GALNT13: variants seen among roughly 807,000 people sequenced by gnomAD.
GALNT13 encodes the protein polypeptide N-acetylgalactosaminyltransferase 13, also known as UDP-GalNAc:polypeptide N-acetylgalactosaminyltransferase 13.
A neutral mutation model predicts 64.2 loss-of-function variants in GALNT13; 28 were observed. That is an observed-to-expected ratio of 0.44 (90% CI 0.32 to 0.60). The LOEUF is 0.60. Among genes scored for constraint, GALNT13 ranks in the 20% least tolerant of loss-of-function variants. GALNT13 has a pLI of 0.05. For synonymous variants in GALNT13, 214 were observed against 224.6 expected (o/e 0.95, Z 0.42); for missense variants, 577 against 669.8 (o/e 0.86, Z 1.53).
intron 2 of GALNT13, among the ~76,000 whole-genome samples, chr2:153,921,470 G>T (rs745476375): frequency 2.0e-5 from 3 of 152,110 alleles, no homozygotes; most frequent in Non-Finnish European, 2.9e-5. Context: ...CTTGAGGGTG[G>T]AGTCTTGGAG....
the GALNT13 span, among the ~76,000 whole-genome samples, chr2:153,403,290 G>C: frequency 4.1e-4 from 62 of 151,818 alleles, no homozygotes; most frequent in African/African-American, 1.5e-3. Flanking sequence ...CCCGTTCTCA[G>C]ATCTCCAGCT....
At chr2:154,144,589 A>G (rs554054645) in intron 4 of GALNT13, among the ~76,000 whole-genome samples, 1 of 152,140 alleles carries the variant, frequency 6.6e-6, no homozygotes, top group African/African-American at 2.4e-5. Context: ...TCAAATATCT[A>G]ATCATATTTT....
chr2:153,115,091 T>C, the GALNT13 span, among the ~76,000 whole-genome samples: 1 of 151,306 alleles, frequency 6.6e-6, no homozygotes, highest in African/African-American at 2.5e-5. Flanking sequence ...TAATGAGTAC[T>C]AAAAAATAAA....
chr2:153,398,255 T>G, the GALNT13 span, among the ~76,000 whole-genome samples: 1 of 152,186 alleles, frequency 6.6e-6, no homozygotes, highest in Non-Finnish European at 1.5e-5. Context: ...CATAAACTCA[T>G]CATTTTTTGT....
At chr2:153,770,008 T>C in the GALNT13 span, among the ~76,000 whole-genome samples, 1 of 152,214 alleles carries the variant, frequency 6.6e-6, no homozygotes, top group Admixed American at 6.5e-5. Context: ...CAGCTTTCTC[T>C]TTAATCTCAT....
At chr2:153,211,605 T>C in the GALNT13 span, among the ~76,000 whole-genome samples, 1 of 152,206 alleles carries the variant, frequency 6.6e-6, no homozygotes, top group South Asian at 2.1e-4. Context: ...AACTTTCCAC[T>C]GCACTCTTGC....
the GALNT13 span, among the ~76,000 whole-genome samples, chr2:153,451,577 A>C: frequency 6.6e-6 from 1 of 152,234 alleles, no homozygotes; most frequent in Non-Finnish European, 1.5e-5. Context: ...TAGAAAGAGA[A>C]AGTGAGAGTT....
At chr2:153,969,720 T>C (rs1693616238) in intron 3 of GALNT13, among the ~76,000 whole-genome samples, 1 of 152,182 alleles carries the variant, frequency 6.6e-6, no homozygotes, top group African/African-American at 2.4e-5. Flanking sequence ...ATGATAAAAG[T>C]TTAAAAATCT....
intron 3 of GALNT13, among the ~76,000 whole-genome samples, chr2:154,118,800 T>G (rs567641091): frequency 6.6e-6 from 1 of 152,116 alleles, no homozygotes. Flanking sequence ...TTCAGTCTGA[T>G]AAGAACTTAA....
At chr2:153,909,824 G>A (rs1168670202) in intron 2 of GALNT13, among the ~76,000 whole-genome samples, 1 of 152,012 alleles carries the variant, frequency 6.6e-6, no homozygotes, top group Non-Finnish European at 1.5e-5. Context: ...TGCTGGATTT[G>A]GTTTGCTGGT....
intron 3 of GALNT13, among the ~76,000 whole-genome samples, chr2:153,983,136 A>G (rs1694581303): frequency 6.6e-6 from 1 of 151,906 alleles, no homozygotes; most frequent in South Asian, 2.1e-4. Context: ...GTGAAATTTG[A>G]TGTGAACAGC....
intron 9 of GALNT13, among the ~76,000 whole-genome samples, chr2:154,350,530 G>A (rs62172294): frequency 6.6e-6 from 1 of 152,190 alleles, no homozygotes; most frequent in South Asian, 2.1e-4. Flanking sequence ...CTACTTTTGA[G>A]GTTTGGGGAC....
intron 4 of GALNT13, among the ~76,000 whole-genome samples, chr2:154,150,883 C>T (rs1683966806): frequency 6.6e-6 from 1 of 152,074 alleles, no homozygotes; most frequent in Non-Finnish European, 1.5e-5. Flanking sequence ...AAAACCAGCT[C>T]CTGGATTCAT....
chr2:153,231,367 A>G, the GALNT13 span, among the ~76,000 whole-genome samples: 1 of 152,206 alleles, frequency 6.6e-6, no homozygotes, highest in South Asian at 2.1e-4. Flanking sequence ...TTACAGATGG[A>G]AAAGTGATAT....
chr2:153,690,656 C>T, the GALNT13 span, among the ~76,000 whole-genome samples: 4 of 152,054 alleles, frequency 2.6e-5, no homozygotes, highest in Non-Finnish European at 5.9e-5. Context: ...TTCTTTAGTT[C>T]CTGAATACTT....
intron 4 of GALNT13, among the ~76,000 whole-genome samples, chr2:154,196,424 A>G (rs1386943055): frequency 6.6e-6 from 1 of 152,188 alleles, no homozygotes; most frequent in Non-Finnish European, 1.5e-5. Context: ...GTGTTCATAG[A>G]AGTTCTTTTA....
At chr2:154,266,722 A>G (rs1691023296) in intron 8 of GALNT13, among the ~76,000 whole-genome samples, 1 of 151,750 alleles carries the variant, frequency 6.6e-6, no homozygotes, top group African/African-American at 2.4e-5. Context: ...AGTGTATTGT[A>G]TTTACTTACT....
chr2:154,222,873 T>C (rs1196470156), intron 4 of GALNT13, among the ~76,000 whole-genome samples: 1 of 152,112 alleles, frequency 6.6e-6, no homozygotes, highest in African/African-American at 2.4e-5. Flanking sequence ...AGAGACAAAC[T>C]TTTTCTTTTT....
chr2:153,251,543 A>G, the GALNT13 span, among the ~76,000 whole-genome samples: 1 of 152,032 alleles, frequency 6.6e-6, no homozygotes, highest in African/African-American at 2.4e-5. Flanking sequence ...GTATGTATAC[A>G]TGTGCCATGC....
Sources: gnomAD v4.1 joint callset for allele counts (sites outside exome capture counted in the v4.1 genomes callset) on GRCh38, gnomAD v4.1.1 for gene constraint, MANE v1.5 for transcripts, NCBI Gene and HGNC (gene_info 2026-07-23, HGNC 2026-07-21) for gene names.